The following ADAMTS3 variants were observed in gnomAD, a reference collection of about 807,000 sequenced individuals.
ADAMTS3 encodes the protein A disintegrin and metalloproteinase with thrombospondin motifs 3.
ADAMTS3 carries 73 observed loss-of-function variants against 129.0 expected under a neutral mutation model. The ratio of observed to expected loss-of-function variants is 0.57; its 90% CI spans 0.47 to 0.69. ADAMTS3 has a LOEUF of 0.69. ADAMTS3 is among the 30% of genes least tolerant of loss of function. The probability of loss-of-function intolerance (pLI) is 0.00; values close to 1 mark genes in which losing one functional copy is unlikely to be tolerated. For synonymous variants in ADAMTS3, 477 were observed against 510.8 expected (o/e 0.93, Z 0.89); for missense variants, 1,457 against 1,514.5 (o/e 0.96, Z 0.63).
At chr4:72,542,540 T>A (rs1721361198) in intron 3 of ADAMTS3, among the ~76,000 whole-genome samples, 1 of 152,242 alleles carries the variant, frequency 6.6e-6, no homozygotes, top group South Asian at 2.1e-4. Flanking sequence ...TAAATTGTGT[T>A]CTGTTCTACC....
At chr4:72,329,917 T>C (rs1719801493) in intron 5 of ADAMTS3, among the ~76,000 whole-genome samples, 1 of 152,196 alleles carries the variant, frequency 6.6e-6, no homozygotes, top group African/African-American at 2.4e-5. Flanking sequence ...TGTTTGTTTG[T>C]TTTTTGACTG....
chr4:72,462,336 T>C (rs1718791730), intron 3 of ADAMTS3, among the ~76,000 whole-genome samples: 1 of 152,002 alleles, frequency 6.6e-6, no homozygotes, highest in Non-Finnish European at 1.5e-5. Context: ...AGATGATTTA[T>C]ACTTGCTTCG....
Position 72,340,238 on chromosome 4 carries a change from T to C in ADAMTS3, c.662-545A>G, listed in dbSNP as rs534332667. 4.0e-4 allele frequency among the ~76,000 whole-genome samples: 61 copies of C among 152,140 alleles called. 1 individual carries two copies. The South Asian group carries it at 0.013, about 32-fold the overall frequency. ...TGATTATCAGTCACTATGTATTGCT[T>C]TATTTCTTCTGAGTAAAGTTTTCTA... On this transcript the variant is annotated intron_variant, in intron 4 of 21. Transcript: ENST00000286657.
intron 3 of ADAMTS3, among the ~76,000 whole-genome samples, chr4:72,493,145 A>G (rs763912139): frequency 7.9e-5 from 12 of 151,854 alleles, no homozygotes; most frequent in Non-Finnish European, 1.5e-4. Flanking sequence ...CATATCACCA[A>G]ATTTGTTTTT....
intron 3 of ADAMTS3, among the ~76,000 whole-genome samples, chr4:72,454,792 C>T (rs1489610980): frequency 6.6e-6 from 1 of 151,594 alleles, no homozygotes; most frequent in Non-Finnish European, 1.5e-5. Context: ...GGGTTTGAAG[C>T]CTATGAAGCC....
intron 4 of ADAMTS3, among the ~76,000 whole-genome samples, chr4:72,405,661 A>G (rs77253793): frequency 6.6e-6 from 1 of 152,194 alleles, no homozygotes; most frequent in African/African-American, 2.4e-5. Context: ...AAAGCATATA[A>G]TTAGAAGAAG....
intron 4 of ADAMTS3, among the ~76,000 whole-genome samples, chr4:72,408,758 G>A (rs1722113686): frequency 6.7e-6 from 1 of 150,006 alleles, no homozygotes; most frequent in Admixed American, 6.7e-5. Context: ...ATACTATGCA[G>A]CCATAAAAAA....
At chr4:72,301,247 C>G (rs750044174) in intron 17 of ADAMTS3, among the ~76,000 whole-genome samples, 1 of 151,880 alleles carries the variant, frequency 6.6e-6, no homozygotes, top group Non-Finnish European at 1.5e-5. Flanking sequence ...TTCATAACAC[C>G]AAAATCTTTA....
chr4:72,469,838 C>A (rs1277535655), intron 3 of ADAMTS3, among the ~76,000 whole-genome samples: 1 of 152,150 alleles, frequency 6.6e-6, no homozygotes, highest in Non-Finnish European at 1.5e-5. Flanking sequence ...CTTAATAACA[C>A]TTTTTTTCTC....
chr4:72,388,324 GA>G (rs1355927098), intron 4 of ADAMTS3, among the ~76,000 whole-genome samples: 2 of 152,170 alleles, frequency 1.3e-5, no homozygotes, highest in African/African-American at 2.4e-5. Flanking sequence ...GCCAGGAGAG[GA>G]ACTGGTACTT....
chr4:72,520,424 T>C (rs537165743), intron 3 of ADAMTS3, among the ~76,000 whole-genome samples: 150 of 152,320 alleles, frequency 9.8e-4, no homozygotes, highest in Admixed American at 3.1e-3. Flanking sequence ...TTTTTGTTTG[T>C]CTGTGCCCTG....
rs147058495 is a variant in ADAMTS3 at position 72,453,817 on chromosome 4, G to A, written c.505-38846C>T. ...ATTAAGTCATAATAAGTTTAAGTAA[G>A]GTGCCAACTGAACATCAGGAGTTAA... On this transcript the variant is annotated intron_variant, in intron 3 of 21. Transcript: ENST00000286657. Among the ~76,000 whole-genome samples, 7 of 151,148 alleles carry A rather than the reference G, an allele frequency of 4.6e-5. No homozygotes were observed. In the East Asian group the frequency reaches 1.4e-3, roughly 30 times the overall value.
At chr4:72,310,865 A>T (rs904193060) in intron 14 of ADAMTS3, among the ~76,000 whole-genome samples, 183 bp downstream of exon 14, 6 of 152,102 alleles carry the variant, frequency 3.9e-5, no homozygotes, top group African/African-American at 1.4e-4. Flanking sequence ...TCTGCCAGTG[A>T]CCAAAGTTTG....
intron 4 of ADAMTS3, among the ~76,000 whole-genome samples, chr4:72,387,155 T>C (rs1721469646): frequency 6.6e-6 from 1 of 152,222 alleles, no homozygotes; most frequent in African/African-American, 2.4e-5. Flanking sequence ...CTACTCCCTT[T>C]AGAGAACTAA....
chr4:72,326,010 C>A (rs1045136979), intron 5 of ADAMTS3, among the ~76,000 whole-genome samples: 3 of 151,982 alleles, frequency 2.0e-5, no homozygotes, highest in African/African-American at 7.2e-5. Flanking sequence ...AATAAAAGAG[C>A]ATTTTTAAAA....
chr4:72,435,698 C>CACACATCT (rs1722803849), intron 3 of ADAMTS3, among the ~76,000 whole-genome samples: 1 of 151,802 alleles, frequency 6.6e-6, no homozygotes, highest in African/African-American at 2.4e-5. Context: ...AAATTAATAC[C>CACACATCT]ACACATCTAC....
At chr4:72,357,546 C>A (rs1471881413) in intron 4 of ADAMTS3, among the ~76,000 whole-genome samples, 2 of 151,798 alleles carry the variant, frequency 1.3e-5, no homozygotes, top group East Asian at 3.9e-4. Flanking sequence ...AATTCAATTT[C>A]TATTATTTAC....
chr4:72,320,051 G>T, intron 7 of ADAMTS3, 88 bp from the exon 8 acceptor site: 1 of 1,049,016 alleles, frequency 9.5e-7, no homozygotes, highest in Non-Finnish European at 1.4e-6. Context: ...GGGGAAAAAA[G>T]TAAAAGCCTT....
At chr4:72,531,274 T>G (rs79132771) in intron 3 of ADAMTS3, among the ~76,000 whole-genome samples, 1 of 152,148 alleles carries the variant, frequency 6.6e-6, no homozygotes, top group Non-Finnish European at 1.5e-5. Flanking sequence ...TCTAGGTTTT[T>G]GGCCTGAGAA....
Sources: allele counts gnomAD v4.1 joint callset (sites outside exome capture counted in the v4.1 genomes callset), GRCh38; gene constraint gnomAD v4.1.1; transcripts MANE v1.5; gene names NCBI Gene and HGNC (gene_info 2026-07-23, HGNC 2026-07-21).